The following FCMR variants were observed in gnomAD, a reference collection of about 807,000 sequenced individuals.
FCMR encodes immunoglobulin mu Fc receptor.
In FCMR, 34 loss-of-function variants were observed where a neutral mutation model predicts 41.6. That is an observed-to-expected ratio of 0.82 (90% CI 0.62 to 1.09). The LOEUF (loss-of-function observed/expected upper bound fraction) is 1.09. FCMR is among the 50% of genes least tolerant of loss of function. The probability of loss-of-function intolerance (pLI) is 0.00; values close to 1 mark genes in which losing one functional copy is unlikely to be tolerated. For missense variants in FCMR, 496 were observed against 512.5 expected, an observed-to-expected ratio of 0.97 and a Z score of 0.31; for synonymous variants, 209 against 211.8, an observed-to-expected ratio of 0.99 and a Z score of 0.12.
chr1:206,917,122 G>A (rs566554777), intron 1 of FCMR, among the ~76,000 whole-genome samples: 1 of 152,290 alleles, frequency 6.6e-6, no homozygotes, highest in East Asian at 1.9e-4. Context: ...ATAAACGGAT[G>A]TAAATACATG....
At chr1:206,913,148 G>A (rs1679019014) in intron 2 of FCMR, 106 bp from the exon 3 acceptor site, 4 of 838,738 alleles carry the variant, frequency 4.8e-6, no homozygotes, top group Non-Finnish European at 4.1e-6. Flanking sequence ...AGGGGATGAG[G>A]GCAGGGTCCA....
chr1:206,910,299 C>A lies in FCMR; in HGVS notation c.752G>T (p.Gly251Val). 6.4e-7 allele frequency: 1 copy of A among 1,573,904 alleles called. No individual in the cohort carries two copies. The highest frequency in any genetic ancestry group is 8.6e-7 in the Non-Finnish European group (1 of 1,159,556). ...YGSQSGREGQ[G>V]FHILIPTILG... is the part of the protein sequence containing the mutation. The stretch of plus-strand genomic sequence containing the variant: ...GATGGTCGGGATCAGGATGTGAAAT[C>A]CTTGGCCTTCCCTCCCAGACTGTGA... The change falls in exon 5 of 8, where the codon GGA (glycine) becomes GTA (valine). Residue 251 changes from glycine to valine, a missense_variant. Gly to Val is a moderately radical substitution (Grantham distance 109). Transcript: ENST00000367091.
intron 5 of FCMR, 166 bp from the exon 6 acceptor site, chr1:206,910,034 C>T: frequency 9.0e-7 from 1 of 1,115,920 alleles, no homozygotes; most frequent in Non-Finnish European, 1.2e-6. Context: ...CCCTGAAGAC[C>T]AAAGGGCCCA....
intron 1 of FCMR, among the ~76,000 whole-genome samples, chr1:206,915,679 G>A (rs1679162299): frequency 6.6e-6 from 1 of 152,182 alleles, no homozygotes; most frequent in Non-Finnish European, 1.5e-5. Context: ...TTGTGTGTGT[G>A]TGGCGAGGTG....
At position 206,910,206 on chromosome 1, in the gene FCMR, T is replaced by C. The variant is rs200994016; in HGVS notation, c.841+4A>G. The C allele has an allele frequency of 6.3e-7, 1 of 1,596,698 alleles. No homozygotes were observed. The highest frequency in any genetic ancestry group is 8.5e-7 in the Non-Finnish European group (1 of 1,173,030). On this transcript the variant is annotated splice_donor_region_variant and intron_variant, in intron 5 of 7. Transcript: ENST00000367091. The stretch of plus-strand genomic sequence containing the variant: ...GCTCTCCCTACCGAAGCCCAGCCGC[T>C]CACCTTTCCTCCTTTCAACGGCCCT...
intron 4 of FCMR, 99 bp from the exon 5 acceptor site, chr1:206,910,439 A>G: frequency 2.0e-6 from 2 of 983,900 alleles, no homozygotes; most frequent in Non-Finnish European, 2.8e-6. Context: ...GAGATGACTT[A>G]CAGGTTTGTC....
At chr1:206,917,426 G>T (rs1162918002) in intron 1 of FCMR, among the ~76,000 whole-genome samples, 1 of 152,176 alleles carries the variant, frequency 6.6e-6, no homozygotes, top group Non-Finnish European at 1.5e-5. Context: ...GTCCAGGCCT[G>T]CAGCCTGTCA....
rs375707563 is a variant in FCMR at position 206,911,735 on chromosome 1, C to G, written c.705G>C (p.Arg235Ser). 2 of 1,610,820 alleles carry G rather than the reference C, an allele frequency of 1.2e-6. No homozygotes were observed. The highest frequency in any genetic ancestry group is 2.2e-5 in the South Asian group (2 of 90,650). Residue 235 changes from arginine to serine, a missense_variant, in exon 4 of 8, where the codon AGG (arginine) becomes AGC (serine). Coordinates refer to ENST00000367091, the MANE Select transcript of FCMR (RefSeq NM_005449.5). ...CCTGGACAGTGGTCTCTTACCTCTG[C>G]CTGTGCAGCCTGGTGTGGTGGTTGT... ...PSYNHHTRLH[R>S]QRALDYGSQS...
rs1678530080 is a variant in FCMR, at chr1:206,904,382, T to A, written c.*637A>T. The A allele has an allele frequency of 6.6e-6, 1 of 152,294 alleles. No homozygotes were observed. The highest frequency in any genetic ancestry group is 1.5e-5 in the Non-Finnish European group (1 of 68,162). The allele number at this position is 152,294 out of a possible 1,614,324, so 9.4% of individuals were successfully genotyped here. ...TGATGGAGACAGAGTAAAGAGAATT[T>A]ATGGATATATATGCATATCTTGCTA... On this transcript the variant is annotated 3_prime_UTR_variant, in exon 8 of 8. Coordinates refer to ENST00000367091, the MANE Select transcript of FCMR (RefSeq NM_005449.5).
intron 5 of FCMR, 140 bp from the exon 6 acceptor site, chr1:206,910,008 G>T: frequency 8.6e-7 from 1 of 1,158,702 alleles, no homozygotes; most frequent in Middle Eastern, 2.9e-4. Context: ...AATGTACGAG[G>T]CACGGCCTTG....
chr1:206,922,577 C>T (rs777480150), upstream of FCMR, among the ~76,000 whole-genome samples: 1 of 152,250 alleles, frequency 6.6e-6, no homozygotes, highest in Non-Finnish European at 1.5e-5. Context: ...CCTCAGCCAA[C>T]CTTCACCCTT....
At chr1:206,922,323 C>T (rs796083298), upstream of FCMR, among the ~76,000 whole-genome samples, 3 of 152,216 alleles carry the variant, frequency 2.0e-5, no homozygotes, top group African/African-American at 4.8e-5. Flanking sequence ...TATGGGCAGA[C>T]GCTTGGGCCT....
intron 7 of FCMR, chr1:206,907,608 G>A (rs989472707): frequency 1.4e-6 from 1 of 723,050 alleles, no homozygotes; most frequent in South Asian, 1.4e-5. Flanking sequence ...TTTCCCAGGC[G>A]GCTGCCGAAG....
intron 1 of FCMR, among the ~76,000 whole-genome samples, chr1:206,917,621 A>T (rs1679246909): frequency 6.6e-6 from 1 of 151,970 alleles, no homozygotes; most frequent in Non-Finnish European, 1.5e-5. Context: ...GCTATTGCCC[A>T]TATTTTCTTC....
At position 206,909,654 on chromosome 1, in the gene FCMR, C is replaced by T. The variant is rs1023738786; in HGVS notation, c.985+71G>A. 1.5e-6 allele frequency: 2 copies of T among 1,351,120 alleles called. No homozygotes were observed. Among genetic ancestry groups the T allele is most frequent in the Non-Finnish European group, 1.9e-6 (2 of 1,056,470 alleles). The allele number at this position is 1,351,120 out of a possible 1,614,324, so 83.7% of individuals were successfully genotyped here. Reference sequence around the variant, plus strand: ...AAGCCCTGGCACCTGGGAGCGCGCCCCGCTGCGCCCGGCTTTCCCGGAGCC... The same window carrying T: ...AAGCCCTGGCACCTGGGAGCGCGCCTCGCTGCGCCCGGCTTTCCCGGAGCC... On this transcript the variant is annotated intron_variant, in intron 6 of 7. Coordinates refer to ENST00000367091, the MANE Select transcript of FCMR (RefSeq NM_005449.5). This position sits in a 1 kb window ranked among gnomAD's most constrained non-coding sequence, Gnocchi z 5.0.
At chr1:206,916,216 G>C (rs1679185232) in intron 1 of FCMR, among the ~76,000 whole-genome samples, 1 of 152,216 alleles carries the variant, frequency 6.6e-6, no homozygotes, top group Non-Finnish European at 1.5e-5. Flanking sequence ...AAGGTGACCT[G>C]TCACAAAGTG....
chr1:206,910,197 C>T lies in FCMR; in HGVS notation c.841+13G>A, dbSNP rs199632036. 109 of 1,589,978 alleles carry T rather than the reference C, an allele frequency of 6.9e-5. No individual in the cohort carries two copies. In the East Asian group the frequency reaches 2.3e-3, roughly 33 times the overall value. ...GGCAGCTCAGCTCTCCCTACCGAAGCCCAGCCGCTCACCTTTCCTCCTTTC... is the reference window on the plus strand; with the variant it reads ...GGCAGCTCAGCTCTCCCTACCGAAGTCCAGCCGCTCACCTTTCCTCCTTTC... On this transcript the variant is annotated intron_variant, in intron 5 of 7. Coordinates refer to ENST00000367091, the MANE Select transcript of FCMR (RefSeq NM_005449.5).
intron 7 of FCMR, chr1:206,906,135 A>G: frequency 3.9e-6 from 2 of 511,776 alleles, no homozygotes; most frequent in Non-Finnish European, 7.9e-6. Flanking sequence ...ATGATATAAG[A>G]CCAGTCAAGA....
chr1:206,916,205 A>G (rs1679184483), intron 1 of FCMR, among the ~76,000 whole-genome samples: 1 of 152,206 alleles, frequency 6.6e-6, no homozygotes, highest in African/African-American at 2.4e-5. Context: ...ATTGCAATGG[A>G]AAGGTGACCT....
Sources: gnomAD v4.1 joint callset for allele counts (sites outside exome capture counted in the v4.1 genomes callset) on GRCh38, gnomAD v4.1.1 for gene constraint, Gnocchi (gnomAD v3.1) non-coding constraint, MANE v1.5 for transcripts, NCBI Gene and HGNC (gene_info 2026-07-23, HGNC 2026-07-21) for gene names.